ENAM: variants seen among roughly 807,000 people sequenced by gnomAD.
ENAM encodes the protein amelogenesis imperfecta 2, hypocalcification (autosomal dominant).
A neutral mutation model predicts 33.6 loss-of-function variants in ENAM; 21 were observed. The ratio of observed to expected loss-of-function variants is 0.63; its 90% confidence interval spans 0.44 to 0.90. ENAM has a LOEUF of 0.90. Ranked by LOEUF, ENAM falls within the 40% of genes least tolerant of loss-of-function variation. ENAM has a pLI of 0.00. For missense variants in ENAM, 1,388 were observed against 1,366.9 expected, an observed-to-expected ratio of 1.02 and a Z score of -0.24; for synonymous variants, 473 against 468.4, an observed-to-expected ratio of 1.01 and a Z score of -0.13.
At chr4:70,636,835 A>C (rs1163611521) in intron 7 of ENAM, among the ~76,000 whole-genome samples, 1 of 152,214 alleles carries the variant, frequency 6.6e-6, no homozygotes, top group East Asian at 1.9e-4. Context: ...TTAAACGTTT[A>C]AAATCATTAA....
rs913577731 is a variant in ENAM, at chr4:70,645,110, C to A, written c.*255C>A. The A allele has an allele frequency of 5.7e-6, 3 of 525,226 alleles. No individual in the cohort carries two copies. The highest frequency in any genetic ancestry group is 1.0e-5 in the Non-Finnish European group (3 of 295,520). The allele number at this position is 525,226 out of a possible 1,614,324, so 32.5% of individuals were successfully genotyped here. On this transcript the variant is annotated 3_prime_UTR_variant, in exon 9 of 9. Transcript: ENST00000396073. Reference sequence around the variant, plus strand: ...AAGAAGGCCATGACCATCCCTGCCTCGAAACTTGCAAGTCACTTGTCTGAG... The same window carrying A: ...AAGAAGGCCATGACCATCCCTGCCTAGAAACTTGCAAGTCACTTGTCTGAG...
In ENAM at chr4:70,643,542, A is replaced by G; in HGVS notation, c.2116A>G (p.Asn706Asp). The G allele has an allele frequency of 6.2e-7, 1 of 1,614,026 alleles. No individual in the cohort carries two copies. Residue 706 changes from asparagine to aspartate, a missense_variant, in exon 9 of 9, where the codon AAT (asparagine) becomes GAT (aspartate). Asn to Asp is a conservative substitution (Grantham distance 23). Coordinates refer to ENST00000396073, the MANE Select transcript of ENAM (RefSeq NM_031889.3). ...GGAATATCTTCCCTATTCTTTAGAT[A>G]ATCCATCAAAACCAAGGGAGGATTT... is the stretch of plus-strand genomic sequence containing the variant. The part of the protein sequence containing the change: ...PKEYLPYSLD[N>D]PSKPREDFYY...
Position 70,643,597 on chromosome 4 carries a change from C to T in ENAM, c.2171C>T (p.Pro724Leu), listed in dbSNP as rs3796703. The change falls in exon 9 of 9, where the codon CCG becomes CTG. Residue 724 changes from proline to leucine, a missense_variant. Transcript: ENST00000396073. ...TACAGTGAATTTTACCCATGGAGCC[C>T]GGATGAGAATTTTCCATCATATAAT... ...FYYSEFYPWS[P>L]DENFPSYNTA... The T allele has an allele frequency of 0.016, 26,432 of 1,613,990 alleles. 287 individuals carry two copies. The highest frequency in any genetic ancestry group is 0.06 in the East Asian group (2,671 of 44,882).
At chr4:70,632,529 A>T in intron 4 of ENAM, 122 bp from the exon 5 acceptor site, 1 of 797,028 alleles carries the variant, frequency 1.3e-6, no homozygotes, top group South Asian at 1.4e-5. Context: ...TTAAAATCAG[A>T]AATTTTTACA....
At position 70,645,132 on chromosome 4, in the gene ENAM, TGA is replaced by T. The variant is rs1330252000; in HGVS notation, c.*279_*280del. The T allele has an allele frequency of 5.4e-6, 3 of 558,154 alleles. No homozygotes were observed. In the African/African-American group the frequency reaches 5.6e-5, roughly 10 times the overall value. The allele number at this position is 558,154 out of a possible 1,614,324, so 34.6% of individuals were successfully genotyped here. ...CCTCGAAACTTGCAAGTCACTTGTCTGAGTTAGTTTCCTTTTGCTTGATGACT... is the reference window on the plus strand; with the variant it reads ...CCTCGAAACTTGCAAGTCACTTGTCTGTTAGTTTCCTTTTGCTTGATGACT... On this transcript the variant is annotated 3_prime_UTR_variant, in exon 9 of 9. Coordinates refer to ENST00000396073, the MANE Select transcript of ENAM (RefSeq NM_031889.3).
chr4:70,644,372 TAC>T lies in ENAM; in HGVS notation c.2949_2950del (p.Pro984LeufsTer5), dbSNP rs774234113. 1 of 1,614,156 alleles carries T rather than the reference TAC, an allele frequency of 6.2e-7. No individual in the cohort carries two copies. The highest frequency in any genetic ancestry group is 8.5e-7 in the Non-Finnish European group (1 of 1,179,990). On this transcript the variant is annotated frameshift_variant, in exon 9 of 9. Coordinates refer to ENST00000396073, the MANE Select transcript of ENAM (RefSeq NM_031889.3). LOFTEE classifies it low-confidence loss of function (END_TRUNC). The part of the protein sequence containing the change: ...PEASSLQSKN[T>X]PCLKNDLGGD... ...AAGCCAGTTCCCTTCAATCAAAGAA[TAC>T]ACCTTGTCTCAAAAATGATCTTGGA...
At chr4:70,634,610 C>T (rs771484720) in intron 6 of ENAM, 42 bp downstream of exon 6, 5 of 1,604,284 alleles carry the variant, frequency 3.1e-6, no homozygotes, top group South Asian at 1.1e-5. Context: ...TAAATGGCCT[C>T]GGAGAGATTT....
chr4:70,634,629 A>C, intron 6 of ENAM, 61 bp downstream of exon 6: 1 of 1,505,292 alleles, frequency 6.6e-7, no homozygotes. Context: ...TTGGAGGGCC[A>C]TGCCACCCCC....
At chr4:70,634,116 A>G (rs1738389801) in intron 5 of ENAM, among the ~76,000 whole-genome samples, 192 bp from the exon 6 acceptor site, 1 of 152,166 alleles carries the variant, frequency 6.6e-6, no homozygotes, top group African/African-American at 2.4e-5. Context: ...TTGGCTTTCT[A>G]GAAGACGGAA....
chr4:70,633,657 T>C (rs934914995), intron 5 of ENAM, among the ~76,000 whole-genome samples: 1 of 152,198 alleles, frequency 6.6e-6, no homozygotes, highest in Non-Finnish European at 1.5e-5. Context: ...TAAATTATCA[T>C]AAATTTAGAA....
rs541854035 is a variant in ENAM at position 70,636,046 on chromosome 4, A to G, written c.534+152A>G. The G allele has an allele frequency of 8.7e-6, 4 of 461,230 alleles. No homozygotes were observed. The South Asian group carries it at 1.9e-4, about 22-fold the overall frequency. 28.6% of individuals were successfully genotyped at this position (461,230 alleles called of 1,614,324 possible). On this transcript the variant is annotated intron_variant, in intron 7 of 8. Coordinates refer to ENST00000396073, the MANE Select transcript of ENAM (RefSeq NM_031889.3). Reference sequence around the variant, plus strand: ...AACCAGTGCATCAGTAATCATGCAGAAAAAGAATAATTTTTTGAATTTCAT... The same window carrying G: ...AACCAGTGCATCAGTAATCATGCAGGAAAAGAATAATTTTTTGAATTTCAT...
At chr4:70,640,413 T>A (rs1738568557) in intron 8 of ENAM, among the ~76,000 whole-genome samples, 1 of 152,036 alleles carries the variant, frequency 6.6e-6, no homozygotes, top group Admixed American at 6.6e-5. Context: ...ATGGAAGAAG[T>A]TTCAATATGA....
At chr4:70,631,603 T>C (rs1738321808) in intron 2 of ENAM, 67 bp from the exon 3 acceptor site, 2 of 1,147,806 alleles carry the variant, frequency 1.7e-6, no homozygotes, top group Non-Finnish European at 2.6e-6. Flanking sequence ...AGTACTTAGA[T>C]AAGTGCAGAG....
rs1738353614 is a variant in ENAM at position 70,632,638 on chromosome 4, C to T, written c.169-13C>T. 2 of 1,576,478 alleles carry T rather than the reference C, an allele frequency of 1.3e-6. No homozygotes were observed. Among genetic ancestry groups the T allele is most frequent in the Non-Finnish European group, 1.7e-6 (2 of 1,146,096 alleles). ...TCACTTTGTATCACATTAATGGATT[C>T]CTTTGGTTGCAGATGATGCGGTATA... On this transcript the variant is annotated splice_polypyrimidine_tract_variant and intron_variant, in intron 4 of 8. Coordinates refer to ENST00000396073, the MANE Select transcript of ENAM (RefSeq NM_031889.3).
At chr4:70,637,520 A>G in intron 7 of ENAM, 1 of 464,528 alleles carries the variant, frequency 2.2e-6, no homozygotes, top group Non-Finnish European at 3.9e-6. Context: ...GGTGGTAAGG[A>G]GGATTGCCAA....
chr4:70,644,021 A>G lies in ENAM; in HGVS notation c.2595A>G (p.Leu865=). 1 of 1,614,166 alleles carries G rather than the reference A, an allele frequency of 6.2e-7. No individual in the cohort carries two copies. Among genetic ancestry groups the G allele is most frequent in the Non-Finnish European group, 8.5e-7 (1 of 1,180,010 alleles). Residue 865 remains leucine (L), a synonymous_variant, in exon 9 of 9, where the codon TTA becomes TTG. Transcript: ENST00000396073. Reference sequence around the variant, plus strand: ...CATCAGGTCAAAAAGAAGCACATTTATTTCACCTAAGCCAGAGAGGCTCTT... The same window carrying G: ...CATCAGGTCAAAAAGAAGCACATTTGTTTCACCTAAGCCAGAGAGGCTCTT... ...SYPSGQKEAH[L]FHLSQRGSCC...
In ENAM at chr4:70,643,179, G is replaced by A; in HGVS notation, c.1753G>A (p.Glu585Lys). ...TAAGGAAGATCCAGGGAGGCAAGAA[G>A]AACATTTACCCCATCCTTCCCATGG... The part of the protein sequence containing the change: ...PFKEDPGRQE[E>K]HLPHPSHGSR... Residue 585 changes from glutamate to lysine, a missense_variant, in exon 9 of 9, where the codon GAA becomes AAA. Coordinates refer to ENST00000396073, the MANE Select transcript of ENAM (RefSeq NM_031889.3). The A allele has an allele frequency of 2.5e-6, 4 of 1,613,752 alleles. No individual in the cohort carries two copies. The highest frequency in any genetic ancestry group is 3.4e-6 in the Non-Finnish European group (4 of 1,179,932).
At position 70,645,209 on chromosome 4, in the gene ENAM, AAAGGCAG is replaced by A; in HGVS notation, c.*356_*362del. ...TTGCAAAATTGGTTTTTCAAGACTGAAAGGCAGATTAACTTTCCATTCTACTTATGGA... is the reference window on the plus strand; with the variant it reads ...TTGCAAAATTGGTTTTTCAAGACTGAATTAACTTTCCATTCTACTTATGGA... On this transcript the variant is annotated 3_prime_UTR_variant, in exon 9 of 9. Transcript: ENST00000396073. 8.8e-6 allele frequency: 4 copies of A among 454,224 alleles called. No individual in the cohort carries two copies. Among genetic ancestry groups the A allele is most frequent in the Non-Finnish European group, 1.6e-5 (4 of 251,472 alleles). The allele number at this position is 454,224 out of a possible 1,614,324, so 28.1% of individuals were successfully genotyped here. A position where few individuals can be genotyped will look rare whatever the true frequency, so the allele number is the denominator to read the frequency against.
Position 70,633,234 on chromosome 4 carries a change from C to T in ENAM, c.210+542C>T, listed in dbSNP as rs1186535365. Among the ~76,000 whole-genome samples the T allele has an allele frequency of 2.0e-5, 3 of 152,198 alleles. No individual in the cohort carries two copies. The East Asian group carries it at 5.8e-4, about 29-fold the overall frequency. ...GTTAGCATAATAACACTACACATCACTTTTGATTTCCATGGAATGATCATG... is the reference window on the plus strand; with the variant it reads ...GTTAGCATAATAACACTACACATCATTTTTGATTTCCATGGAATGATCATG... On this transcript the variant is annotated intron_variant, in intron 5 of 8. Coordinates refer to ENST00000396073, the MANE Select transcript of ENAM (RefSeq NM_031889.3).
Sources: gnomAD v4.1 joint callset for allele counts (sites outside exome capture counted in the v4.1 genomes callset) on GRCh38, gnomAD v4.1.1 for gene constraint, MANE v1.5 for transcripts, NCBI Gene and HGNC (gene_info 2026-07-23, HGNC 2026-07-21) for gene names.